The following GNAI1 variants were observed in gnomAD, a reference collection of about 807,000 sequenced individuals.
GNAI1 encodes G protein subunit alpha i1, also known as guanine nucleotide-binding protein G(i) subunit alpha-1.
GNAI1 carries 11 observed loss-of-function variants against 38.9 expected under a neutral mutation model. That is an observed-to-expected ratio of 0.28 (90% CI 0.18 to 0.47). GNAI1 has a LOEUF of 0.47. Ranked by LOEUF, GNAI1 falls within the 20% of genes least tolerant of loss-of-function variation. The pLI is 0.99. For synonymous variants in GNAI1, 166 were observed against 145.1 expected (o/e 1.14, Z -1.04); for missense variants, 317 against 436.9 (o/e 0.73, Z 2.45).
chr7:80,166,691 A>G (rs1254283179), intron 1 of GNAI1, among the ~76,000 whole-genome samples: 1 of 152,184 alleles, frequency 6.6e-6, no homozygotes, highest in African/African-American at 2.4e-5. Flanking sequence ...TGCTTTGGCA[A>G]TAATATCTAT....
At chr7:80,215,720 A>C (rs182524204) in intron 7 of GNAI1, among the ~76,000 whole-genome samples, 1 of 152,130 alleles carries the variant, frequency 6.6e-6, no homozygotes, top group South Asian at 2.1e-4. Context: ...TCTATAAAGC[A>C]ATATAACAAA....
chr7:80,167,721 A>G (rs1788036088), intron 1 of GNAI1, among the ~76,000 whole-genome samples: 1 of 152,230 alleles, frequency 6.6e-6, no homozygotes, highest in African/African-American at 2.4e-5. Context: ...AAACTGCAAT[A>G]GATGTGCCAT....
At chr7:80,155,849 G>A (rs1278415225) in intron 1 of GNAI1, among the ~76,000 whole-genome samples, 2 of 152,022 alleles carry the variant, frequency 1.3e-5, no homozygotes, top group Non-Finnish European at 2.9e-5. Context: ...GAGGTCAGGA[G>A]TTTGAGACCA....
At chr7:80,138,105 A>C (rs988177338) in intron 1 of GNAI1, among the ~76,000 whole-genome samples, 1 of 152,208 alleles carries the variant, frequency 6.6e-6, no homozygotes, top group African/African-American at 2.4e-5. Flanking sequence ...GATCGTGTTC[A>C]TCTTCACTTA....
intron 3 of GNAI1, among the ~76,000 whole-genome samples, chr7:80,194,211 A>G: frequency 6.6e-6 from 1 of 152,120 alleles, no homozygotes; most frequent in Non-Finnish European, 1.5e-5. Context: ...ATCATGTATC[A>G]GTTTAATTTG....
At chr7:80,171,986 G>A (rs1788105350) in intron 1 of GNAI1, among the ~76,000 whole-genome samples, 1 of 152,144 alleles carries the variant, frequency 6.6e-6, no homozygotes, top group Non-Finnish European at 1.5e-5. Flanking sequence ...AAGTATAATA[G>A]TACTTGTACT....
chr7:80,170,714 T>C (rs1788086537), intron 1 of GNAI1, among the ~76,000 whole-genome samples: 1 of 152,100 alleles, frequency 6.6e-6, no homozygotes, highest in Non-Finnish European at 1.5e-5. Context: ...ACTCACTCAC[T>C]ATCACCAGAA....
chr7:80,212,689 G>A (rs193302019), intron 6 of GNAI1, 27 bp from the exon 7 acceptor site: 406 of 1,418,004 alleles, frequency 2.9e-4, no homozygotes, highest in Admixed American at 8.3e-4. Context: ...TGTTAGTGAC[G>A]ATTGGTTTTA....
In GNAI1 at chr7:80,208,426, G is replaced by T. The variant is rs137881895; in HGVS notation, c.591-2543G>T. ...TGTTTCTTCTAGTTATCTTCATCTAGCTCTCTCTGAATTCCAACAAACTTA... is the reference window on the plus strand; with the variant it reads ...TGTTTCTTCTAGTTATCTTCATCTATCTCTCTCTGAATTCCAACAAACTTA... On this transcript the variant is annotated intron_variant, in intron 5 of 7. Transcript: ENST00000649796. Among the ~76,000 whole-genome samples, 405 of 152,220 alleles carry T rather than the reference G, an allele frequency of 2.7e-3. 12 individuals are homozygous for T. Among genetic ancestry groups the T allele is most frequent in the Admixed American group, 0.021 (325 of 15,266 alleles).
At chr7:80,159,101 AG>A (rs1787872403) in intron 1 of GNAI1, among the ~76,000 whole-genome samples, 1 of 152,122 alleles carries the variant, frequency 6.6e-6, no homozygotes, top group Non-Finnish European at 1.5e-5. Context: ...TGTCAAGCTG[AG>A]GGTGCCATCC....
intron 7 of GNAI1, among the ~76,000 whole-genome samples, chr7:80,216,575 C>A (rs1788973044): frequency 6.6e-6 from 1 of 152,122 alleles, no homozygotes; most frequent in Admixed American, 6.5e-5. Context: ...GAGATTAATT[C>A]ATGTTACTGA....
intron 6 of GNAI1, among the ~76,000 whole-genome samples, chr7:80,211,943 T>G (rs1451803453): frequency 6.6e-6 from 1 of 152,126 alleles, no homozygotes; most frequent in Non-Finnish European, 1.5e-5. Flanking sequence ...TATGAAAATT[T>G]TTTTCAACCA....
chr7:80,204,661 T>A (rs1180504702), intron 5 of GNAI1, among the ~76,000 whole-genome samples: 1 of 152,156 alleles, frequency 6.6e-6, no homozygotes, highest in African/African-American at 2.4e-5. Flanking sequence ...CATCTGCTAG[T>A]CATTACCATG....
intron 1 of GNAI1, among the ~76,000 whole-genome samples, chr7:80,144,089 C>T (rs1046453605): frequency 1.3e-5 from 2 of 152,084 alleles, no homozygotes; most frequent in Non-Finnish European, 2.9e-5. Context: ...GGGGCTAGAC[C>T]AGGTAAATAT....
chr7:80,140,215 A>G (rs1350119175), intron 1 of GNAI1, among the ~76,000 whole-genome samples: 1 of 151,518 alleles, frequency 6.6e-6, no homozygotes, highest in Non-Finnish European at 1.5e-5. Context: ...CGATCTCCTG[A>G]CCTCGTGATC....
chr7:80,157,347 A>G (rs1787836795), intron 1 of GNAI1, among the ~76,000 whole-genome samples: 1 of 152,210 alleles, frequency 6.6e-6, no homozygotes, highest in Non-Finnish European at 1.5e-5. Context: ...CTGTTCACCT[A>G]CTGAATGACA....
intron 1 of GNAI1, among the ~76,000 whole-genome samples, chr7:80,162,935 T>C (rs1226965691): frequency 3.9e-5 from 6 of 152,238 alleles, no homozygotes; most frequent in African/African-American, 1.4e-4. Context: ...GTTAATCTTA[T>C]TCTTGTCTTC....
chr7:80,171,295 CTA>C (rs148634060), intron 1 of GNAI1, among the ~76,000 whole-genome samples: 19,116 of 151,910 alleles, frequency 0.13, 1,287 homozygotes, highest in South Asian at 0.22. Flanking sequence ...AGATTTTTTT[CTA>C]TGTTCTTCTT....
At position 80,193,424 on chromosome 7, in the gene GNAI1, A is replaced by G. The variant is rs1584040927; in HGVS notation, c.303+4193A>G. ...GACTGGTTATTTAAAATGAGAAGAAATAAAATTGTTTTCAAGGCTTGCATA... is the reference window on the plus strand; with the variant it reads ...GACTGGTTATTTAAAATGAGAAGAAGTAAAATTGTTTTCAAGGCTTGCATA... On this transcript the variant is annotated intron_variant, in intron 3 of 7. Transcript: ENST00000649796. Among the ~76,000 whole-genome samples, 5 of 152,336 alleles carry G rather than the reference A, an allele frequency of 3.3e-5. 1 individual carries two copies. Among genetic ancestry groups the G allele is most frequent in the Admixed American group, 3.3e-4 (5 of 15,298 alleles).
Sources: allele counts gnomAD v4.1 joint callset (sites outside exome capture counted in the v4.1 genomes callset), GRCh38; gene constraint gnomAD v4.1.1; transcripts MANE v1.5; gene names NCBI Gene and HGNC (gene_info 2026-07-23, HGNC 2026-07-21).